Variants in PDE4D observed in about 807,000 individuals in gnomAD.
PDE4D encodes the protein phosphodiesterase 4D, also known as 3',5'-cyclic-AMP phosphodiesterase 4D.
A neutral mutation model predicts 87.4 loss-of-function variants in PDE4D; 24 were observed. That is an observed-to-expected ratio of 0.27 (90% CI 0.20 to 0.39). PDE4D has a LOEUF of 0.39. Among genes scored for constraint, PDE4D ranks in the 10% least tolerant of loss-of-function variants. The probability of loss-of-function intolerance (pLI) is 1.00; values close to 1 mark genes in which losing one functional copy is unlikely to be tolerated. For missense variants in PDE4D, 714 were observed against 1,041.0 expected, an observed-to-expected ratio of 0.69 and a Z score of 4.32; for synonymous variants, 384 against 383.2, an observed-to-expected ratio of 1.00 and a Z score of -0.02.
intron 2 of PDE4D, among the ~76,000 whole-genome samples, chr5:60,090,159 C>G (rs748542543): frequency 6.7e-6 from 1 of 149,678 alleles, no homozygotes; most frequent in Non-Finnish European, 1.5e-5. Flanking sequence ...TACTTCTAAA[C>G]TATACTTCTA....
At chr5:60,098,725 T>G (rs1775946123) in intron 2 of PDE4D, among the ~76,000 whole-genome samples, 1 of 152,066 alleles carries the variant, frequency 6.6e-6, no homozygotes, top group African/African-American at 2.4e-5. Flanking sequence ...TAGAGACAAT[T>G]TAACTTCTTC....
intron 1 of PDE4D, among the ~76,000 whole-genome samples, chr5:59,370,843 A>T (rs1417008362): frequency 1.3e-5 from 2 of 152,172 alleles, no homozygotes; most frequent in African/African-American, 2.4e-5. Flanking sequence ...AAACACTTAA[A>T]CGTTATGATT....
chr5:59,146,502 A>G (rs116774658), intron 5 of PDE4D, among the ~76,000 whole-genome samples: 1 of 152,190 alleles, frequency 6.6e-6, no homozygotes, highest in African/African-American at 2.4e-5. Flanking sequence ...TCTCAAAGCC[A>G]CTGAAGAGAG....
At chr5:59,127,860 T>C (rs1017114950) in intron 5 of PDE4D, among the ~76,000 whole-genome samples, 5 of 152,016 alleles carry the variant, frequency 3.3e-5, no homozygotes, top group African/African-American at 1.2e-4. Flanking sequence ...TCCCCGTTCC[T>C]AATCAGCGCT....
intron 1 of PDE4D, among the ~76,000 whole-genome samples, chr5:59,257,570 A>G (rs1182151469): frequency 1.3e-5 from 2 of 151,994 alleles, no homozygotes; most frequent in South Asian, 2.1e-4. Context: ...TATATCTACT[A>G]TCCAATTACA....
chr5:59,870,021 T>C (rs565748601), intron 1 of PDE4D, among the ~76,000 whole-genome samples: 2 of 152,324 alleles, frequency 1.3e-5, no homozygotes, highest in Admixed American at 1.3e-4. Flanking sequence ...AATGCTATGA[T>C]AGATACTTCT....
rs1817119320 is a variant in PDE4D at position 59,545,512 on chromosome 5, T to C, written c.456-329544A>G. Among the ~76,000 whole-genome samples, 7 of 152,262 alleles carry C rather than the reference T, an allele frequency of 4.6e-5. No individual in the cohort carries two copies. In the South Asian group the frequency reaches 1.5e-3, roughly 32 times the overall value. ...AAATTAGCTCTGTTTCCCAAAACCATAGATAACTGGAAACTAAAAATTGGA... is the reference window on the plus strand; with the variant it reads ...AAATTAGCTCTGTTTCCCAAAACCACAGATAACTGGAAACTAAAAATTGGA... On this transcript the variant is annotated intron_variant, in intron 1 of 14. Coordinates refer to ENST00000340635, the MANE Select transcript of PDE4D (RefSeq NM_001104631.2).
chr5:60,038,445 C>T lies in PDE4D; in HGVS notation c.43-49728G>A, dbSNP rs988828418. ...AGATCAGATAGTTGTAGATATGCGG[C>T]GTTATTTCTGAGGGCTCTGTTCTGT... On this transcript the variant is annotated intron_variant, in intron 2 of 16. Coordinates refer to the PDE4D transcript ENST00000502484. 1.7e-4 allele frequency among the ~76,000 whole-genome samples: 26 copies of T among 152,110 alleles called. 1 individual carries two copies. The East Asian group carries it at 3.5e-3, about 20-fold the overall frequency.
intron 1 of PDE4D, among the ~76,000 whole-genome samples, chr5:59,464,661 C>T (rs927444725): frequency 6.6e-6 from 1 of 152,148 alleles, no homozygotes; most frequent in African/African-American, 2.4e-5. Context: ...ATTTCTTTCT[C>T]TATACTTTGT....
In PDE4D at chr5:58,975,687, G is replaced by A. The variant is rs1329238535; in HGVS notation, c.1983C>T (p.Asp661=). 1 of 1,610,564 alleles carries A rather than the reference G, an allele frequency of 6.2e-7. No homozygotes were observed. The highest frequency in any genetic ancestry group is 1.3e-5 in the African/African-American group (1 of 74,844). ...ATTTTTCCACGGAAGCATTGTGCTT[G>A]TCACACATGGGGCTTATCTCCATGC... ...ERGMEISPMC[D]KHNASVEKSQ... The change falls in exon 14 of 15, where the codon GAC becomes GAT. Residue 661 remains aspartate, a synonymous_variant. Coordinates refer to ENST00000340635, the MANE Select transcript of PDE4D (RefSeq NM_001104631.2). This position sits in a 1 kb window ranked among gnomAD's most constrained non-coding sequence, Gnocchi z 4.2.
chr5:60,033,705 C>T (rs1373505556), intron 2 of PDE4D, among the ~76,000 whole-genome samples: 1 of 152,136 alleles, frequency 6.6e-6, no homozygotes, highest in Non-Finnish European at 1.5e-5. Flanking sequence ...TGTTGAAAAG[C>T]AGTGTGGGGT....
At chr5:60,191,228 T>C (rs1326998990) in intron 1 of PDE4D, among the ~76,000 whole-genome samples, 2 of 152,096 alleles carry the variant, frequency 1.3e-5, no homozygotes, top group East Asian at 1.9e-4. Flanking sequence ...TCAATAATTG[T>C]TTTATGGGTT....
At chr5:59,035,242 T>C (rs1002337125) in intron 6 of PDE4D, among the ~76,000 whole-genome samples, 4 of 152,262 alleles carry the variant, frequency 2.6e-5, no homozygotes, top group African/African-American at 7.2e-5. Flanking sequence ...TTTTCAGTTT[T>C]AGAGTAAAAC....
At chr5:59,091,119 T>C (rs1196830974) in intron 5 of PDE4D, 3 of 454,580 alleles carry the variant, frequency 6.6e-6, no homozygotes, top group African/African-American at 2.0e-5. Flanking sequence ...GATCCCATTA[T>C]AGAGCCCTGT....
intron 1 of PDE4D, among the ~76,000 whole-genome samples, chr5:60,422,008 G>A (rs908105744): frequency 9.9e-5 from 15 of 152,144 alleles, no homozygotes; most frequent in Non-Finnish European, 1.9e-4. Context: ...AGAGTAAAAA[G>A]AAACAAACAA....
chr5:59,268,689 T>G (rs1763269586), intron 1 of PDE4D, among the ~76,000 whole-genome samples: 1 of 152,126 alleles, frequency 6.6e-6, no homozygotes, highest in Non-Finnish European at 1.5e-5. Context: ...ACTATCTTCC[T>G]TACCAACCTA....
chr5:59,362,573 A>C (rs1355245841), intron 1 of PDE4D, among the ~76,000 whole-genome samples: 1 of 152,170 alleles, frequency 6.6e-6, no homozygotes, highest in Non-Finnish European at 1.5e-5. Context: ...GATTGCTCAA[A>C]ACCCTAAGCT....
intron 1 of PDE4D, among the ~76,000 whole-genome samples, chr5:60,364,264 T>G (rs1234492529): frequency 6.6e-6 from 1 of 152,150 alleles, no homozygotes; most frequent in Non-Finnish European, 1.5e-5. Flanking sequence ...GAATTCTTAC[T>G]CTGCCAGTGT....
At chr5:59,345,221 T>C (rs904303124) in intron 1 of PDE4D, among the ~76,000 whole-genome samples, 1 of 152,182 alleles carries the variant, frequency 6.6e-6, no homozygotes, top group Non-Finnish European at 1.5e-5. Flanking sequence ...CTAGTGTTTT[T>C]CAACAGGTTA....
Sources: allele counts gnomAD v4.1 joint callset (sites outside exome capture counted in the v4.1 genomes callset), GRCh38; gene constraint gnomAD v4.1.1; non-coding constraint Gnocchi (gnomAD v3.1); transcripts MANE v1.5; gene names NCBI Gene and HGNC (gene_info 2026-07-23, HGNC 2026-07-21).